LRBA: variants seen among roughly 807,000 people sequenced by gnomAD.
LRBA encodes the protein lipopolysaccharide-responsive and beige-like anchor protein.
Under a neutral mutation model 330.0 loss-of-function variants are expected in LRBA, and 176 were observed. That is an observed-to-expected ratio of 0.53 (90% CI 0.47 to 0.60). The LOEUF is 0.60. Among genes scored for constraint, LRBA ranks in the 20% least tolerant of loss-of-function variants. The pLI is 0.00. For missense variants in LRBA, 3,259 were observed against 3,444.8 expected (o/e 0.95, Z 1.35); for synonymous variants, 1,230 against 1,193.0 (o/e 1.03, Z -0.64).
intron 53 of LRBA, among the ~76,000 whole-genome samples, chr4:150,302,308 T>A (rs139993227): frequency 6.6e-6 from 1 of 152,344 alleles, no homozygotes; most frequent in South Asian, 2.1e-4. Flanking sequence ...CAAGGTAATA[T>A]GTGATTGCTC....
At chr4:150,843,214 A>C (rs1280637866) in intron 28 of LRBA, among the ~76,000 whole-genome samples, 1 of 152,178 alleles carries the variant, frequency 6.6e-6, no homozygotes, top group Non-Finnish European at 1.5e-5. Flanking sequence ...ATTCAATACT[A>C]TTAAGTAGTG....
chr4:150,931,402 A>C (rs1470703157), intron 2 of LRBA, among the ~76,000 whole-genome samples: 1 of 150,564 alleles, frequency 6.6e-6, no homozygotes, highest in East Asian at 1.9e-4. Context: ...TTATAATTAC[A>C]TATCTATATT....
At chr4:150,920,172 A>G (rs1733084522) in intron 5 of LRBA, among the ~76,000 whole-genome samples, 1 of 152,242 alleles carries the variant, frequency 6.6e-6, no homozygotes, top group South Asian at 2.1e-4. Flanking sequence ...ACAGGGCCTA[A>G]TATAAGATTT....
chr4:150,466,678 T>C (rs1483799786), intron 44 of LRBA, among the ~76,000 whole-genome samples: 1 of 152,072 alleles, frequency 6.6e-6, no homozygotes, highest in Non-Finnish European at 1.5e-5. Flanking sequence ...AAACATTTGT[T>C]AGCTGTTCCT....
chr4:150,518,926 A>T (rs1170281975), intron 40 of LRBA, among the ~76,000 whole-genome samples: 1 of 152,034 alleles, frequency 6.6e-6, no homozygotes, highest in Non-Finnish European at 1.5e-5. Flanking sequence ...TTTCCTGAGG[A>T]CCGGTATCCT....
In LRBA at chr4:150,923,176, C is replaced by T. The variant is rs540696444; in HGVS notation, c.550-1883G>A. Among the ~76,000 whole-genome samples, 10 of 97,030 alleles carry T rather than the reference C, an allele frequency of 1.0e-4. No individual in the cohort carries two copies. In the East Asian group the frequency reaches 3.1e-3, roughly 30 times the overall value. The allele number at this position is 97,030 out of a possible 152,430, so 63.7% of individuals were successfully genotyped here. A position where few individuals can be genotyped will look rare whatever the true frequency, so the allele number is the denominator to read the frequency against. On this transcript the variant is annotated intron_variant, in intron 4 of 56. Coordinates refer to ENST00000651943, the MANE Select transcript of LRBA (RefSeq NM_001364905.1). ...TGAATGCATATCACTTTCACACCAT[C>T]GTAAAGTCAAAAAAAAAAAAAAACA...
At chr4:150,948,973 G>A (rs937084024) in intron 2 of LRBA, among the ~76,000 whole-genome samples, 6 of 151,568 alleles carry the variant, frequency 4.0e-5, no homozygotes, top group South Asian at 4.2e-4. Context: ...TGGATAATTC[G>A]TATGTTGTTG....
chr4:150,573,117 T>C (rs1317614310), intron 40 of LRBA, among the ~76,000 whole-genome samples: 2 of 152,130 alleles, frequency 1.3e-5, no homozygotes, highest in East Asian at 1.9e-4. Context: ...TAGGTGAATA[T>C]GGACTAGCTG....
intron 2 of LRBA, among the ~76,000 whole-genome samples, chr4:150,963,995 C>A (rs1254063163): frequency 6.7e-6 from 1 of 148,216 alleles, no homozygotes; most frequent in Non-Finnish European, 1.5e-5. Context: ...CTGCCGCCAC[C>A]CCTTCTGGGA....
At chr4:150,290,928 T>A (rs138164476) in intron 53 of LRBA, among the ~76,000 whole-genome samples, 5 of 152,170 alleles carry the variant, frequency 3.3e-5, no homozygotes, top group African/African-American at 4.8e-5. Context: ...ACTAACCACT[T>A]AGCATTTATA....
chr4:150,768,377 G>A (rs1736072916), intron 34 of LRBA, among the ~76,000 whole-genome samples: 1 of 152,136 alleles, frequency 6.6e-6, no homozygotes, highest in Admixed American at 6.5e-5. Flanking sequence ...GGAAAGAGAT[G>A]CAAGTTGGCA....
rs908422044 is a variant in LRBA, at chr4:150,597,103, T to C, written c.6046+1904A>G. 2 of 1,403,360 alleles carry C rather than the reference T, an allele frequency of 1.4e-6. No individual in the cohort carries two copies. The highest frequency in any genetic ancestry group is 2.0e-6 in the Non-Finnish European group (2 of 1,011,108). The allele number at this position is 1,403,360 out of a possible 1,614,324, so 86.9% of individuals were successfully genotyped here. On this transcript the variant is annotated intron_variant, in intron 38 of 56. Transcript: ENST00000651943. ...CTTACCTTTGCTGTTCTCTCTCAATTTAAAAATGCACACTAAAACATAGAT... is the reference window on the plus strand; with the variant it reads ...CTTACCTTTGCTGTTCTCTCTCAATCTAAAAATGCACACTAAAACATAGAT...
At chr4:151,004,849 G>A (rs1743820533) in intron 2 of LRBA, among the ~76,000 whole-genome samples, 1 of 152,086 alleles carries the variant, frequency 6.6e-6, no homozygotes, top group Non-Finnish European at 1.5e-5. Context: ...AGCCAGGCAT[G>A]GCGGCATGAG....
In LRBA at chr4:150,583,841, A is replaced by G; in HGVS notation, c.6330+4207T>C. 5.0e-6 allele frequency: 8 copies of G among 1,614,222 alleles called. No individual in the cohort carries two copies. Among genetic ancestry groups the G allele is most frequent in the Non-Finnish European group, 6.8e-6 (8 of 1,180,034 alleles). On this transcript the variant is annotated intron_variant, in intron 40 of 56. Transcript: ENST00000651943. The surrounding 1 kb of genome is among the most constrained non-coding windows in gnomAD (Gnocchi z 9.8). ...GAGCTACCCGGCCAGCCGCTCAACAACTACCACATGAAGACGCTGCTGCTG... is the reference window on the plus strand; with the variant it reads ...GAGCTACCCGGCCAGCCGCTCAACAGCTACCACATGAAGACGCTGCTGCTG...
At chr4:150,489,139 T>TCTATA (rs1758343113) in intron 41 of LRBA, among the ~76,000 whole-genome samples, 1 of 56,316 alleles carries the variant, frequency 1.8e-5, no homozygotes, top group Non-Finnish European at 3.3e-5. Flanking sequence ...GAATATATAA[T>TCTATA]ATATAATATA....
At chr4:150,724,103 T>A (rs1285716982) in intron 36 of LRBA, among the ~76,000 whole-genome samples, 1 of 152,144 alleles carries the variant, frequency 6.6e-6, no homozygotes, top group East Asian at 1.9e-4. Context: ...AGACAGCACT[T>A]TGGACATTCC....
At chr4:150,459,329 C>CT (rs1408209267) in intron 44 of LRBA, among the ~76,000 whole-genome samples, 1 of 151,842 alleles carries the variant, frequency 6.6e-6, no homozygotes, top group Admixed American at 6.6e-5. Context: ...CAATCTCTTG[C>CT]TTTTTGACAA....
At chr4:150,507,780 A>G (rs961558809) in intron 40 of LRBA, among the ~76,000 whole-genome samples, 3 of 152,204 alleles carry the variant, frequency 2.0e-5, no homozygotes, top group Non-Finnish European at 4.4e-5. Flanking sequence ...CTACCATCAG[A>G]GTGAACAGGC....
At chr4:150,652,988 A>AT (rs111958325) in intron 37 of LRBA, among the ~76,000 whole-genome samples, 1,617 of 151,448 alleles carry the variant, frequency 0.011, 11 homozygotes, top group Non-Finnish European at 0.016. Context: ...CCAGATATCA[A>AT]TTTTTTTTTG....
Sources: gnomAD v4.1 joint callset for allele counts (sites outside exome capture counted in the v4.1 genomes callset) on GRCh38, gnomAD v4.1.1 for gene constraint, Gnocchi (gnomAD v3.1) non-coding constraint, MANE v1.5 for transcripts, NCBI Gene and HGNC (gene_info 2026-07-23, HGNC 2026-07-21) for gene names.